FHIT: variants seen among roughly 807,000 people sequenced by gnomAD.
FHIT encodes bis(5'-adenosyl)-triphosphatase.
A neutral mutation model predicts 17.9 loss-of-function variants in FHIT; 19 were observed. The ratio of observed to expected loss-of-function variants is 1.06; its 90% CI spans 0.74 to 1.56. The LOEUF is 1.56. Among genes scored for constraint, FHIT ranks in the 40% most tolerant of loss-of-function variants. FHIT has a pLI of 0.00. For missense variants in FHIT, 248 were observed against 189.2 expected (o/e 1.31, Z -1.82); for synonymous variants, 81 against 69.7 (o/e 1.16, Z -0.81).
chr3:60,635,177 T>C (rs2039549509), intron 4 of FHIT, among the ~76,000 whole-genome samples: 1 of 152,242 alleles, frequency 6.6e-6, no homozygotes, highest in South Asian at 2.1e-4. Context: ...TTATCTATAA[T>C]ACAATTGTTA....
At chr3:59,962,864 T>C (rs1707750485) in intron 7 of FHIT, among the ~76,000 whole-genome samples, 1 of 152,210 alleles carries the variant, frequency 6.6e-6, no homozygotes, top group Non-Finnish European at 1.5e-5. Context: ...ATCCATCAAT[T>C]TTTCTAGCAT....
chr3:61,070,614 G>C (rs1167752855), intron 2 of FHIT, among the ~76,000 whole-genome samples: 1 of 152,160 alleles, frequency 6.6e-6, no homozygotes, highest in African/African-American at 2.4e-5. Context: ...TAAGCTTCCT[G>C]CCTTCTGCTC....
At chr3:60,984,295 T>C (rs574934326) in intron 3 of FHIT, among the ~76,000 whole-genome samples, 75 of 152,346 alleles carry the variant, frequency 4.9e-4, no homozygotes, top group Middle Eastern at 3.4e-3. Flanking sequence ...AAATGTTTCA[T>C]TGTGGTGTTA....
intron 4 of FHIT, among the ~76,000 whole-genome samples, chr3:60,775,586 C>T (rs1553724270): frequency 3.3e-5 from 5 of 152,168 alleles, no homozygotes; most frequent in Admixed American, 2.6e-4. Context: ...GGACAAGTAC[C>T]CTGTCTTTAA....
At chr3:59,982,707 C>A (rs1389756093) in intron 7 of FHIT, among the ~76,000 whole-genome samples, 1 of 152,066 alleles carries the variant, frequency 6.6e-6, no homozygotes, top group African/African-American at 2.4e-5. Flanking sequence ...TGTGTTAACA[C>A]AATGTAATTA....
chr3:59,770,366 A>C (rs1702020802), intron 8 of FHIT, among the ~76,000 whole-genome samples: 1 of 152,210 alleles, frequency 6.6e-6, no homozygotes, highest in Non-Finnish European at 1.5e-5. Context: ...AGGTTAAAAG[A>C]AGGGCATTAG....
intron 5 of FHIT, among the ~76,000 whole-genome samples, chr3:60,084,162 G>A (rs1238048486): frequency 6.6e-6 from 1 of 152,106 alleles, no homozygotes; most frequent in Non-Finnish European, 1.5e-5. Flanking sequence ...GTTCAGAGGG[G>A]TAACCTCTGG....
intron 5 of FHIT, among the ~76,000 whole-genome samples, chr3:60,338,405 G>A (rs544954193): frequency 1.8e-4 from 28 of 152,040 alleles, no homozygotes; most frequent in African/African-American, 5.1e-4. Flanking sequence ...TCACTGTGGC[G>A]CCCAGACTCG....
At chr3:59,755,988 T>C (rs529372126) in intron 8 of FHIT, among the ~76,000 whole-genome samples, 1 of 152,086 alleles carries the variant, frequency 6.6e-6, no homozygotes, top group South Asian at 2.1e-4. Context: ...CTTTGTAAAA[T>C]GGGAGTAGGA....
chr3:61,202,562 G>C (rs1052799731), intron 1 of FHIT, among the ~76,000 whole-genome samples: 1 of 151,730 alleles, frequency 6.6e-6, no homozygotes, highest in African/African-American at 2.4e-5. Flanking sequence ...TGGATGTAGA[G>C]TTTCTAGAAT....
intron 3 of FHIT, among the ~76,000 whole-genome samples, chr3:60,885,099 T>C (rs1705164330): frequency 6.6e-6 from 1 of 151,956 alleles, no homozygotes; most frequent in Non-Finnish European, 1.5e-5. Context: ...AAAAGACAGC[T>C]AGATAGAAGG....
chr3:60,171,581 C>G (rs370512802), intron 5 of FHIT, among the ~76,000 whole-genome samples: 25 of 152,148 alleles, frequency 1.6e-4, no homozygotes, highest in African/African-American at 2.4e-4. Context: ...TGCCACTTTT[C>G]TTTTTTCACG....
chr3:60,145,271 T>G (rs1047081942), intron 5 of FHIT, among the ~76,000 whole-genome samples: 1 of 152,216 alleles, frequency 6.6e-6, no homozygotes, highest in African/African-American at 2.4e-5. Flanking sequence ...TAGTTTTCTC[T>G]TTCTGTTGCT....
At chr3:60,750,369 G>A (rs1000416017) in intron 4 of FHIT, among the ~76,000 whole-genome samples, 21 of 152,282 alleles carry the variant, frequency 1.4e-4, no homozygotes, top group Non-Finnish European at 2.1e-4. Context: ...TCCTGACATG[G>A]TTTGGCTGTG....
chr3:59,798,001 C>T lies in FHIT; in HGVS notation c.349-45680G>A, dbSNP rs185110515. On this transcript the variant is annotated intron_variant, in intron 8 of 9. Transcript: ENST00000492590. ...CACAAGAACAGTATATTCAACTTGC[C>T]TGGAGCACTGCTTAGGGTCCCAAAG... 3.4e-3 allele frequency among the ~76,000 whole-genome samples: 517 copies of T among 152,272 alleles called. 3 individuals carry two copies. The highest frequency in any genetic ancestry group is 4.0e-3 in the Non-Finnish European group (269 of 68,010).
chr3:60,214,434 CATAA>C (rs1413542055), intron 5 of FHIT, among the ~76,000 whole-genome samples: 4 of 152,164 alleles, frequency 2.6e-5, no homozygotes, highest in Middle Eastern at 3.2e-3. Flanking sequence ...TTAGACTACA[CATAA>C]ATATTTAGGC....
intron 5 of FHIT, among the ~76,000 whole-genome samples, chr3:60,154,878 G>A (rs183114505): frequency 6.6e-6 from 1 of 152,132 alleles, no homozygotes; most frequent in African/African-American, 2.4e-5. Context: ...TAGTTGCAAA[G>A]AATCCCAGCA....
At chr3:60,435,087 T>C (rs769157634) in intron 5 of FHIT, among the ~76,000 whole-genome samples, 1 of 152,162 alleles carries the variant, frequency 6.6e-6, no homozygotes, top group Non-Finnish European at 1.5e-5. Context: ...ACAGCAAAGA[T>C]GACTGTGTGC....
chr3:59,996,816 G>A (rs989857222), intron 7 of FHIT, among the ~76,000 whole-genome samples: 3 of 152,084 alleles, frequency 2.0e-5, no homozygotes, highest in African/African-American at 7.2e-5. Context: ...ATGAGATTGA[G>A]AAGCCATTCT....
Sources: gnomAD v4.1 joint callset for allele counts (sites outside exome capture counted in the v4.1 genomes callset) on GRCh38, gnomAD v4.1.1 for gene constraint, MANE v1.5 for transcripts, NCBI Gene and HGNC (gene_info 2026-07-23, HGNC 2026-07-21) for gene names.